The following CERS6 variants were observed in gnomAD, a reference collection of about 807,000 sequenced individuals.
CERS6 encodes ceramide synthase 6, also known as LAG1 homolog, ceramide synthase 6.
CERS6 carries 26 observed loss-of-function variants against 56.8 expected under a neutral mutation model. The ratio of observed to expected loss-of-function variants is 0.46; its 90% CI spans 0.34 to 0.63. CERS6 has a LOEUF of 0.63. Ranked by LOEUF, CERS6 falls within the 30% of genes least tolerant of loss-of-function variation. The probability of loss-of-function intolerance (pLI) is 0.01; values close to 1 mark genes in which losing one functional copy is unlikely to be tolerated. For missense variants in CERS6, 415 were observed against 467.5 expected, an observed-to-expected ratio of 0.89 and a Z score of 1.04; for synonymous variants, 164 against 173.3, an observed-to-expected ratio of 0.95 and a Z score of 0.42.
At chr2:168,696,663 T>G (rs1486888025) in intron 6 of CERS6, among the ~76,000 whole-genome samples, 1 of 152,184 alleles carries the variant, frequency 6.6e-6, no homozygotes, top group Non-Finnish European at 1.5e-5. Context: ...CACTTTCTCA[T>G]AGATGACAAC....
chr2:168,512,896 G>T (rs1383582888), intron 1 of CERS6, among the ~76,000 whole-genome samples: 1 of 152,094 alleles, frequency 6.6e-6, no homozygotes, highest in East Asian at 1.9e-4. Flanking sequence ...TCGAACTGCT[G>T]ACCTCATGAT....
At chr2:168,586,539 A>G (rs1683546394) in intron 3 of CERS6, among the ~76,000 whole-genome samples, 2 of 152,354 alleles carry the variant, frequency 1.3e-5, no homozygotes, top group Non-Finnish European at 1.5e-5. Flanking sequence ...CTTCAAATAT[A>G]GCAAAGACTG....
intron 1 of CERS6, among the ~76,000 whole-genome samples, chr2:168,466,773 A>G (rs1247997656): frequency 1.3e-5 from 2 of 152,196 alleles, no homozygotes; most frequent in East Asian, 3.9e-4. Flanking sequence ...TTTTGCTTTT[A>G]CTATTATAAC....
At chr2:168,739,575 A>G (rs1000958773) in intron 8 of CERS6, among the ~76,000 whole-genome samples, 1 of 152,182 alleles carries the variant, frequency 6.6e-6, no homozygotes, top group Non-Finnish European at 1.5e-5. Context: ...CAAGTGAGTT[A>G]AGAGGAGTGG....
chr2:168,552,177 C>T (rs947014969), intron 2 of CERS6, among the ~76,000 whole-genome samples: 5 of 151,958 alleles, frequency 3.3e-5, no homozygotes, highest in African/African-American at 1.2e-4. Flanking sequence ...CCTTCTTTGC[C>T]TCCCAGTACT....
chr2:168,511,995 C>G (rs1260100699), intron 1 of CERS6, among the ~76,000 whole-genome samples: 1 of 151,614 alleles, frequency 6.6e-6, no homozygotes, highest in Non-Finnish European at 1.5e-5. Context: ...TATCATTCAA[C>G]CTTAAAAAGG....
intron 9 of CERS6, chr2:168,766,444 T>C: frequency 9.3e-7 from 1 of 1,075,528 alleles, no homozygotes; most frequent in Non-Finnish European, 1.4e-6. Flanking sequence ...TTGTTCTGTC[T>C]AACCTATTGG....
chr2:168,751,988 T>C (rs1684283225), intron 8 of CERS6, among the ~76,000 whole-genome samples: 1 of 152,196 alleles, frequency 6.6e-6, no homozygotes, highest in Admixed American at 6.5e-5. Context: ...CTACAGTTAT[T>C]TGTAAACTCT....
intron 3 of CERS6, among the ~76,000 whole-genome samples, chr2:168,605,972 A>C (rs2084973): frequency 6.6e-6 from 1 of 152,124 alleles, no homozygotes; most frequent in African/African-American, 2.4e-5. Context: ...CAGAGTCCCC[A>C]CTGGGGCACT....
intron 4 of CERS6, among the ~76,000 whole-genome samples, chr2:168,677,923 G>A (rs1200750759): frequency 1.3e-5 from 2 of 152,200 alleles, no homozygotes; most frequent in African/African-American, 4.8e-5. Flanking sequence ...CATTTATGCA[G>A]CCAACAAACA....
intron 4 of CERS6, among the ~76,000 whole-genome samples, chr2:168,680,530 GCC>G (rs1048651758): frequency 5.7e-4 from 87 of 152,096 alleles, no homozygotes; most frequent in African/African-American, 2.0e-3. Context: ...TAACTACCCG[GCC>G]CCTCCTCATG....
intron 3 of CERS6, among the ~76,000 whole-genome samples, chr2:168,604,150 C>G (rs948132882): frequency 6.6e-6 from 1 of 152,198 alleles, no homozygotes; most frequent in Non-Finnish European, 1.5e-5. Flanking sequence ...TTCCTTGGAG[C>G]CATCCTTAAT....
chr2:168,605,871 C>T (rs1440488369), intron 3 of CERS6, among the ~76,000 whole-genome samples: 4 of 152,200 alleles, frequency 2.6e-5, no homozygotes, highest in African/African-American at 9.6e-5. Context: ...GCCTGGATGT[C>T]CAGGCAGAAG....
At chr2:168,560,128 C>T (rs1243851770) in intron 2 of CERS6, among the ~76,000 whole-genome samples, 1 of 152,142 alleles carries the variant, frequency 6.6e-6, no homozygotes, top group African/African-American at 2.4e-5. Context: ...AGGTGAAAGG[C>T]ATGTCCCATA....
chr2:168,715,031 G>T lies in CERS6; in HGVS notation c.640G>T (p.Val214Leu). ...TGGCATTATGTTCCTGCACCACCTT[G>T]TATCTATTTTCTTGATTACCTTTTC... Reference protein sequence around the residue: ...DFGIMFLHHLVSIFLITFSYV... With the variant: ...DFGIMFLHHLLSIFLITFSYV... The change falls in exon 7 of 10, where the codon GTA becomes TTA. Residue 214 changes from valine (V) to leucine (L), a missense_variant. Val to Leu is a conservative substitution (Grantham distance 32). Coordinates refer to ENST00000305747, the MANE Select transcript of CERS6 (RefSeq NM_203463.3). The T allele has an allele frequency of 6.2e-7, 1 of 1,609,986 alleles. No homozygotes were observed. Among genetic ancestry groups the T allele is most frequent in the Non-Finnish European group, 8.5e-7 (1 of 1,178,062 alleles).
intron 3 of CERS6, among the ~76,000 whole-genome samples, chr2:168,574,007 C>T (rs1402457682): frequency 6.6e-6 from 1 of 152,172 alleles, no homozygotes; most frequent in Non-Finnish European, 1.5e-5. Context: ...TAGCCAAATG[C>T]AGAATTTCTT....
chr2:168,593,172 A>G (rs1322067656), intron 3 of CERS6, among the ~76,000 whole-genome samples: 3 of 152,106 alleles, frequency 2.0e-5, no homozygotes, highest in African/African-American at 4.8e-5. Context: ...CTGTGATTAC[A>G]TTGGGTTCAC....
intron 6 of CERS6, among the ~76,000 whole-genome samples, chr2:168,708,774 T>C (rs1205462187): frequency 6.6e-6 from 1 of 152,176 alleles, no homozygotes. Flanking sequence ...AAAATCTTGC[T>C]CTTCTAAATT....
At chr2:168,538,241 C>CAAAAA (rs59857969) in intron 1 of CERS6, among the ~76,000 whole-genome samples, 1 of 98,858 alleles carries the variant, frequency 1.0e-5, no homozygotes. Flanking sequence ...GTGTAAAAAC[C>CAAAAA]AAAAAAAAAA....
Sources: gnomAD v4.1 joint callset for allele counts (sites outside exome capture counted in the v4.1 genomes callset) on GRCh38, gnomAD v4.1.1 for gene constraint, MANE v1.5 for transcripts, NCBI Gene and HGNC (gene_info 2026-07-23, HGNC 2026-07-21) for gene names.